ATP5MC3: variants seen among roughly 807,000 people sequenced by gnomAD.
ATP5MC3 encodes the protein ATP synthase F(0) complex subunit C3, mitochondrial.
In ATP5MC3, 6 loss-of-function variants were observed where a neutral mutation model predicts 15.6. That is an observed-to-expected ratio of 0.38 (90% CI 0.21 to 0.76). The LOEUF (loss-of-function observed/expected upper bound fraction) is 0.76, where lower values mean the gene tolerates loss of function less well. ATP5MC3 is among the 30% of genes least tolerant of loss of function. The pLI, the probability that ATP5MC3 is intolerant of heterozygous loss-of-function variation, is 0.44. For synonymous variants in ATP5MC3, 66 were observed against 63.3 expected, an observed-to-expected ratio of 1.04 and a Z score of -0.20; for missense variants, 132 against 171.2, an observed-to-expected ratio of 0.77 and a Z score of 1.28.
In ATP5MC3 at chr2:175,176,486, T is replaced by A. The variant is rs768582634; in HGVS notation, c.*1802A>T. On this transcript the variant is annotated 3_prime_UTR_variant, in exon 5 of 5. Coordinates refer to ENST00000284727, the MANE Select transcript of ATP5MC3 (RefSeq NM_001689.5). The stretch of plus-strand genomic sequence containing the variant: ...TCACCACTAATTCATCAAATTTTAA[T>A]AATCTTTTAATTTTTGAGCCAGATT... 3 of 152,204 alleles carry A rather than the reference T, an allele frequency of 2.0e-5. No individual in the cohort carries two copies. The highest frequency in any genetic ancestry group is 2.9e-5 in the Non-Finnish European group (2 of 68,020). 9.4% of individuals were successfully genotyped at this position (152,204 alleles called of 1,614,324 possible). A position where few individuals can be genotyped will look rare whatever the true frequency, so the allele number is the denominator to read the frequency against.
Position 175,181,362 on chromosome 2 carries a change from G to C in ATP5MC3, c.32C>G (p.Pro11Arg), listed in dbSNP as rs142182201. 4.3e-6 allele frequency: 7 copies of C among 1,613,862 alleles called. No individual in the cohort carries two copies. The highest frequency in any genetic ancestry group is 1.7e-5 in the Admixed American group (1 of 59,982). ...CCTGCCTGGGCTACGCACCAGAGAG[G>C]GGGTGCAGGCGAGCTTGGCGCAGGC... Reference protein sequence around the residue: MFACAKLACTPSLIRAGSRVA... With the variant: MFACAKLACTRSLIRAGSRVA... The change falls in exon 2 of 5, where the codon CCC becomes CGC. Residue 11 changes from proline (P) to arginine (R), a missense_variant. Pro to Arg is a moderately radical substitution (Grantham distance 103). Coordinates refer to ENST00000284727, the MANE Select transcript of ATP5MC3 (RefSeq NM_001689.5).
At position 175,178,243 on chromosome 2, in the gene ATP5MC3, A is replaced by G; in HGVS notation, c.*45T>C. 6.3e-7 allele frequency: 1 copy of G among 1,591,826 alleles called. No homozygotes were observed. The highest frequency in any genetic ancestry group is 1.4e-5 in the African/African-American group (1 of 73,432). The stretch of plus-strand genomic sequence containing the variant: ...GAGTCACAGTAAGATACACAGAATT[A>G]CATCCGTAATTAATATGAATGCCAA... On this transcript the variant is annotated 3_prime_UTR_variant, in exon 5 of 5. Coordinates refer to ENST00000284727, the MANE Select transcript of ATP5MC3 (RefSeq NM_001689.5).
chr2:175,177,691 G>A lies in ATP5MC3; in HGVS notation c.*597C>T, dbSNP rs936789703. 1 of 152,146 alleles carries A rather than the reference G, an allele frequency of 6.6e-6. No homozygotes were observed. Among genetic ancestry groups the A allele is most frequent in the African/African-American group, 2.4e-5 (1 of 41,436 alleles). The allele number at this position is 152,146 out of a possible 1,614,324, so 9.4% of individuals were successfully genotyped here. A position where few individuals can be genotyped will look rare whatever the true frequency, so the allele number is the denominator to read the frequency against. On this transcript the variant is annotated 3_prime_UTR_variant, in exon 5 of 5. Transcript: ENST00000284727. ...CTGAAAAGACATGGAAGATTCATTA[G>A]AGGCACACAATTGCTTAATGTGAGA...
chr2:175,180,933 C>G (rs935147231), intron 2 of ATP5MC3, among the ~76,000 whole-genome samples: 3 of 152,248 alleles, frequency 2.0e-5, no homozygotes, highest in Non-Finnish European at 2.9e-5. Flanking sequence ...AAGTCCCTCC[C>G]TCTGCAGCAA....
intron 4 of ATP5MC3, chr2:175,178,696 T>G (rs1183192434): frequency 8.6e-7 from 1 of 1,164,468 alleles, no homozygotes; most frequent in African/African-American, 1.6e-5. Context: ...AGTTTAGGTC[T>G]TAAATAAAAT....
At chr2:175,179,626 G>A (rs534525484) in intron 3 of ATP5MC3, 48 of 201,010 alleles carry the variant, frequency 2.4e-4, no homozygotes, top group Non-Finnish European at 4.0e-4. Flanking sequence ...CCCCACCTCA[G>A]CCTCCTGAGT....
Position 175,177,798 on chromosome 2 carries a change from C to G in ATP5MC3, c.*490G>C, listed in dbSNP as rs1410856761. On this transcript the variant is annotated 3_prime_UTR_variant, in exon 5 of 5. Coordinates refer to ENST00000284727, the MANE Select transcript of ATP5MC3 (RefSeq NM_001689.5). ...AGCTGACGTGATTTATTTTTAGAAC[C>G]ACCTGTCAAGTCAGTCTTGGAAGGT... 1 of 152,112 alleles carries G rather than the reference C, an allele frequency of 6.6e-6. No homozygotes were observed. Among genetic ancestry groups the G allele is most frequent in the East Asian group, 1.9e-4 (1 of 5,196 alleles). The allele number at this position is 152,112 out of a possible 1,614,324, so 9.4% of individuals were successfully genotyped here. A position where few individuals can be genotyped will look rare whatever the true frequency, so the allele number is the denominator to read the frequency against.
chr2:175,178,199 A>C lies in ATP5MC3; in HGVS notation c.*89T>G. 1 of 1,515,980 alleles carries C rather than the reference A, an allele frequency of 6.6e-7. No homozygotes were observed. Among genetic ancestry groups the C allele is most frequent in the Non-Finnish European group, 8.8e-7 (1 of 1,137,224 alleles). 93.9% of individuals were successfully genotyped at this position (1,515,980 alleles called of 1,614,324 possible). On this transcript the variant is annotated 3_prime_UTR_variant, in exon 5 of 5. Coordinates refer to ENST00000284727, the MANE Select transcript of ATP5MC3 (RefSeq NM_001689.5). ...TGGAAATAACGTACATTCCCATGAC[A>C]CCAATACTACAGTTTTCGGAGTCAC...
chr2:175,180,365 TG>T (rs1375123080), intron 2 of ATP5MC3, among the ~76,000 whole-genome samples, 187 bp from the exon 3 acceptor site: 2 of 152,220 alleles, frequency 1.3e-5, no homozygotes, highest in African/African-American at 4.8e-5. Context: ...TTCATGCTAA[TG>T]AAATTGTAAC....
Position 175,181,307 on chromosome 2 carries a change from C to T in ATP5MC3, c.39+48G>A, listed in dbSNP as rs761243040. The T allele has an allele frequency of 4.4e-6, 7 of 1,598,944 alleles. No homozygotes were observed. In the East Asian group the frequency reaches 1.6e-4, roughly 36 times the overall value. On this transcript the variant is annotated intron_variant, in intron 2 of 4. Coordinates refer to ENST00000284727, the MANE Select transcript of ATP5MC3 (RefSeq NM_001689.5). ...CATTCAACAACGTGGACGCTCTAGGCCAAAACGCCCACCCCTCAATCCCCC... is the reference window on the plus strand; with the variant it reads ...CATTCAACAACGTGGACGCTCTAGGTCAAAACGCCCACCCCTCAATCCCCC...
chr2:175,180,411 T>C (rs1700752640), intron 2 of ATP5MC3, among the ~76,000 whole-genome samples: 2 of 152,206 alleles, frequency 1.3e-5, no homozygotes, highest in Non-Finnish European at 2.9e-5. Context: ...TAATAACAGT[T>C]ACAAAGAGAG....
chr2:175,179,060 G>C lies in ATP5MC3; in HGVS notation c.311C>G (p.Ala104Gly), dbSNP rs901572693. The C allele has an allele frequency of 6.2e-7, 1 of 1,612,382 alleles. No homozygotes were observed. Among genetic ancestry groups the C allele is most frequent in the African/African-American group, 1.3e-5 (1 of 75,002 alleles). ...TVFGSLIIGY[A>G]RNPSLKQQLF... ...ATTTAGGGATAGAAATGATTACCTG[G>C]CATAACCAATGATAAGGCTGCCAAA... The change falls in exon 4 of 5, where the codon GCC becomes GGC. Residue 104 changes from alanine (A) to glycine (G), a missense_variant. By Grantham distance (60) the Ala-to-Gly change is moderately conservative. Transcript: ENST00000284727.
chr2:175,181,352 C>A lies in ATP5MC3; in HGVS notation c.39+3G>T. 6.2e-7 allele frequency: 1 copy of A among 1,613,614 alleles called. No individual in the cohort carries two copies. The highest frequency in any genetic ancestry group is 1.3e-5 in the African/African-American group (1 of 75,070). On this transcript the variant is annotated splice_donor_region_variant and intron_variant, in intron 2 of 4. Transcript: ENST00000284727. ...TCCCCCCGACCCTGCCTGGGCTACG[C>A]ACCAGAGAGGGGGTGCAGGCGAGCT...
At chr2:175,180,370 T>C (rs1339055114) in intron 2 of ATP5MC3, among the ~76,000 whole-genome samples, 192 bp from the exon 3 acceptor site, 1 of 152,206 alleles carries the variant, frequency 6.6e-6, no homozygotes, top group African/African-American at 2.4e-5. Flanking sequence ...GCTAATGAAA[T>C]TGTAACGCTT....
chr2:175,180,569 C>T (rs778692855), intron 2 of ATP5MC3, among the ~76,000 whole-genome samples: 7 of 152,014 alleles, frequency 4.6e-5, no homozygotes, highest in Non-Finnish European at 7.4e-5. Flanking sequence ...TCAAAATAGC[C>T]CAGCAGTTAA....
rs1700697350 is a variant in ATP5MC3 at position 175,177,050 on chromosome 2, C to T, written c.*1238G>A. On this transcript the variant is annotated 3_prime_UTR_variant, in exon 5 of 5. Coordinates refer to ENST00000284727, the MANE Select transcript of ATP5MC3 (RefSeq NM_001689.5). ...CTCTACCTCTTTAGCTTTTTGGGGCCTCATTTCACTTTACAGAAGGTAGGA... is the reference window on the plus strand; with the variant it reads ...CTCTACCTCTTTAGCTTTTTGGGGCTTCATTTCACTTTACAGAAGGTAGGA... 1 of 152,032 alleles carries T rather than the reference C, an allele frequency of 6.6e-6. No individual in the cohort carries two copies. The highest frequency in any genetic ancestry group is 2.1e-4 in the South Asian group (1 of 4,832). The allele number at this position is 152,032 out of a possible 1,614,324, so 9.4% of individuals were successfully genotyped here.
intron 2 of ATP5MC3, 30 bp from the exon 3 acceptor site, chr2:175,180,208 A>C (rs953940766): frequency 6.6e-7 from 1 of 1,519,166 alleles, no homozygotes; most frequent in Non-Finnish European, 8.8e-7. Context: ...AAAGATTTCA[A>C]TATTAAGAAA....
intron 4 of ATP5MC3, chr2:175,178,742 T>G (rs1700724887): frequency 4.3e-6 from 5 of 1,164,240 alleles, no homozygotes; most frequent in Non-Finnish European, 5.3e-6. Flanking sequence ...TCTAATAATT[T>G]TATTCCCAAA....
At chr2:175,180,240 G>T in intron 2 of ATP5MC3, 62 bp from the exon 3 acceptor site, 1 of 1,258,126 alleles carries the variant, frequency 7.9e-7, no homozygotes, top group South Asian at 1.6e-5. Flanking sequence ...AGACTTCAAT[G>T]ACTTTTCTGG....
Sources: gnomAD v4.1 joint callset for allele counts (sites outside exome capture counted in the v4.1 genomes callset) on GRCh38, gnomAD v4.1.1 for gene constraint, MANE v1.5 for transcripts, NCBI Gene and HGNC (gene_info 2026-07-23, HGNC 2026-07-21) for gene names.